The following FAM131C variants were observed in gnomAD, a reference collection of about 807,000 sequenced individuals.
FAM131C encodes the protein protein FAM131C.
FAM131C carries 14 observed loss-of-function variants against 29.8 expected under a neutral mutation model. That is an observed-to-expected ratio of 0.47 (90% confidence interval 0.31 to 0.73). The LOEUF is 0.73. Ranked by LOEUF, FAM131C falls within the 30% of genes least tolerant of loss-of-function variation. FAM131C has a pLI of 0.05. For synonymous variants in FAM131C, 86 were observed against 157.8 expected, an observed-to-expected ratio of 0.54 and a Z score of 3.41; for missense variants, 252 against 383.8, an observed-to-expected ratio of 0.66 and a Z score of 2.87.
chr1:16,072,387 TCC>T (rs1164460034), intron 1 of FAM131C, among the ~76,000 whole-genome samples: 1 of 152,018 alleles, frequency 6.6e-6, no homozygotes, highest in Non-Finnish European at 1.5e-5. Flanking sequence ...CAGGACAAGG[TCC>T]CCTCTATTCT....
chr1:16,065,376 A>G (rs2023668901), intron 1 of FAM131C, among the ~76,000 whole-genome samples: 1 of 152,154 alleles, frequency 6.6e-6, no homozygotes, highest in Non-Finnish European at 1.5e-5. Context: ...TGCTGCAGGC[A>G]TCCTCCCTCC....
chr1:16,072,830 A>G (rs575414356), intron 1 of FAM131C, among the ~76,000 whole-genome samples: 1 of 151,708 alleles, frequency 6.6e-6, no homozygotes, highest in African/African-American at 2.4e-5. Context: ...TGGGAACATC[A>G]GCTGTGCTCT....
At chr1:16,068,810 T>G (rs1157478116) in intron 1 of FAM131C, among the ~76,000 whole-genome samples, 1 of 152,188 alleles carries the variant, frequency 6.6e-6, no homozygotes, top group Non-Finnish European at 1.5e-5. Context: ...CCTCCCATCC[T>G]GTGACCTGGC....
rs1195274468 is a variant in FAM131C at position 16,063,744 on chromosome 1, A to G, written c.23-108T>C. On this transcript the variant is annotated intron_variant, in intron 1 of 6. Coordinates refer to ENST00000375662, the MANE Select transcript of FAM131C (RefSeq NM_182623.3). ...GTGAGTATGGCCTTGTTTTTATCCA[A>G]CAACATCGTAGAGAAAGCAGACTCA... 8.9e-6 allele frequency: 6 copies of G among 672,464 alleles called. No homozygotes were observed. In the East Asian group the frequency reaches 1.2e-4, roughly 14 times the overall value. 41.7% of individuals were successfully genotyped at this position (672,464 alleles called of 1,614,324 possible).
chr1:16,070,720 T>A (rs1207087476), intron 1 of FAM131C, among the ~76,000 whole-genome samples: 1 of 152,248 alleles, frequency 6.6e-6, no homozygotes, highest in Non-Finnish European at 1.5e-5. Context: ...CTGGTCTGAA[T>A]GCCTTACATG....
chr1:16,062,380 G>GCGC, intron 3 of FAM131C, 119 bp downstream of exon 3: 1 of 858,416 alleles, frequency 1.2e-6, no homozygotes, highest in Non-Finnish European at 1.6e-6. Context: ...GTTTCATCAG[G>GCGC]CCCCCCCCCC....
chr1:16,066,361 G>A (rs2124132207), intron 1 of FAM131C, among the ~76,000 whole-genome samples: 1 of 152,356 alleles, frequency 6.6e-6, no homozygotes, highest in South Asian at 2.1e-4. Context: ...CAGGCCTAAG[G>A]AGGTGAGAGC....
At chr1:16,064,939 T>C (rs1287009492) in intron 1 of FAM131C, among the ~76,000 whole-genome samples, 1 of 152,196 alleles carries the variant, frequency 6.6e-6, no homozygotes, top group Non-Finnish European at 1.5e-5. Flanking sequence ...GCCTCTGGCC[T>C]CTCTGGCTGC....
chr1:16,063,559 G>A lies in FAM131C; in HGVS notation c.100C>T (p.Arg34Cys), dbSNP rs943514751. Residue 34 changes from arginine to cysteine, a missense_variant, in exon 2 of 7, where the codon CGC (arginine) becomes TGC (cysteine). Around this residue, in one of 6 missense-constraint regions of FAM131C, gnomAD observed 76 missense variants for 62.8 expected, o/e 1.21. Transcript: ENST00000375662. ...DPLNPDLPSGRTPTVAPDCVI... is the reference protein window; with the variant it reads ...DPLNPDLPSGCTPTVAPDCVI... The stretch of plus-strand genomic sequence containing the variant: ...CAGTCTGGAGCCACGGTGGGAGTGC[G>A]GCCCGAGGGCAGATCTGGGTTCAAG... 6.2e-6 allele frequency: 10 copies of A among 1,613,912 alleles called. No individual in the cohort carries two copies. The highest frequency in any genetic ancestry group is 2.2e-5 in the East Asian group (1 of 44,868).
intron 2 of FAM131C, 54 bp downstream of exon 2, chr1:16,063,467 G>A (rs892733992): frequency 2.2e-6 from 3 of 1,369,036 alleles, no homozygotes; most frequent in Middle Eastern, 2.2e-4. Flanking sequence ...GCGGGGAGGA[G>A]ACAGGCCGGG....
At chr1:16,062,000 A>G in intron 4 of FAM131C, 99 bp downstream of exon 4, 1 of 1,106,000 alleles carries the variant, frequency 9.0e-7, no homozygotes, top group Non-Finnish European at 1.3e-6. Context: ...TAGGGCTGCC[A>G]TCCTCCCACC....
rs55762041 is a variant in FAM131C at position 16,062,646 on chromosome 1, T to C, written c.139-112A>G. 0.012 allele frequency: 16,873 copies of C among 1,444,812 alleles called. 1,247 individuals are homozygous for C. In the African/African-American group the frequency reaches 0.19, roughly 17 times the overall value. 89.5% of individuals were successfully genotyped at this position (1,444,812 alleles called of 1,614,324 possible). A position where few individuals can be genotyped will look rare whatever the true frequency, so the allele number is the denominator to read the frequency against. ...GGGGGTCAGCCTTCTTCTGGTGCTG[T>C]GTGAGGTTGGGGTCTGCCCTCTCAT... On this transcript the variant is annotated intron_variant, in intron 2 of 6. Transcript: ENST00000375662.
chr1:16,062,670 A>T (rs979886316), intron 2 of FAM131C, 136 bp from the exon 3 acceptor site: 1 of 1,320,670 alleles, frequency 7.6e-7, no homozygotes, highest in Non-Finnish European at 1.0e-6. Context: ...CTGCCCTCTC[A>T]TGGGTCATGC....
chr1:16,062,401 G>GCCCCCCC, intron 3 of FAM131C, 98 bp downstream of exon 3: 1 of 1,005,746 alleles, frequency 9.9e-7, no homozygotes, highest in Non-Finnish European at 1.3e-6. Flanking sequence ...CCCCGCCCCA[G>GCCCCCCC]GGCCAGCAGG....
At chr1:16,063,311 T>G (rs1334890937) in intron 2 of FAM131C, among the ~76,000 whole-genome samples, 1 of 152,138 alleles carries the variant, frequency 6.6e-6, no homozygotes, top group African/African-American at 2.4e-5. Context: ...GTGGTTGGTC[T>G]TCTAAACAAG....
chr1:16,064,122 C>A (rs963798383), intron 1 of FAM131C, among the ~76,000 whole-genome samples: 1 of 152,060 alleles, frequency 6.6e-6, no homozygotes, highest in Non-Finnish European at 1.5e-5. Flanking sequence ...AGATTGTAGC[C>A]CCAGCCTCCC....
intron 1 of FAM131C, among the ~76,000 whole-genome samples, chr1:16,065,831 C>T (rs1318206838): frequency 2.0e-5 from 3 of 152,156 alleles, no homozygotes; most frequent in Non-Finnish European, 2.9e-5. Flanking sequence ...CAGTTGTACC[C>T]AAATCCTCAT....
intron 1 of FAM131C, among the ~76,000 whole-genome samples, chr1:16,068,958 C>T (rs745503696): frequency 2.0e-5 from 3 of 152,220 alleles, no homozygotes; most frequent in African/African-American, 4.8e-5. Flanking sequence ...GTTTACTGAG[C>T]AGGTGTGACA....
chr1:16,061,698 G>T (rs1216538770), intron 4 of FAM131C, among the ~76,000 whole-genome samples: 1 of 152,026 alleles, frequency 6.6e-6, no homozygotes, highest in East Asian at 1.9e-4. Flanking sequence ...AGGCCCCTCT[G>T]CCTCCCCCGC....
Sources: gnomAD v4.1 joint callset for allele counts (sites outside exome capture counted in the v4.1 genomes callset) on GRCh38, gnomAD v4.1.1 for gene constraint, gnomAD v4.1.1 regional missense constraint, MANE v1.5 for transcripts, NCBI Gene and HGNC (gene_info 2026-07-23, HGNC 2026-07-21) for gene names.